EIF2AK2: variants seen among roughly 807,000 people sequenced by gnomAD.
The protein encoded by EIF2AK2 is eukaryotic translation initiation factor 2 alpha kinase 2, also known as interferon-induced, double-stranded RNA-activated protein kinase.
Under a neutral mutation model 70.5 loss-of-function variants are expected in EIF2AK2, and 40 were observed. The ratio of observed to expected loss-of-function variants is 0.57; its 90% confidence interval spans 0.44 to 0.74. EIF2AK2 has a LOEUF of 0.74. Ranked by LOEUF, EIF2AK2 falls within the 30% of genes least tolerant of loss-of-function variation. The probability of loss-of-function intolerance (pLI) is 0.00; values close to 1 mark genes in which losing one functional copy is unlikely to be tolerated. For synonymous variants in EIF2AK2, 198 were observed against 220.9 expected (o/e 0.90, Z 0.92); for missense variants, 555 against 644.3 (o/e 0.86, Z 1.50).
chr2:37,147,291 G>A (rs886333946), intron 3 of EIF2AK2, among the ~76,000 whole-genome samples: 6 of 151,632 alleles, frequency 4.0e-5, no homozygotes, highest in Non-Finnish European at 8.8e-5. Flanking sequence ...ACATTTATAA[G>A]GTCATATCTT....
At chr2:37,143,409 G>A (rs1355024844) in intron 4 of EIF2AK2, among the ~76,000 whole-genome samples, 2 of 152,170 alleles carry the variant, frequency 1.3e-5, no homozygotes, top group East Asian at 1.9e-4. Context: ...CCAGTCACAT[G>A]TATATTGGTT....
At chr2:37,119,776 G>C (rs1674471365) in intron 13 of EIF2AK2, among the ~76,000 whole-genome samples, 183 bp downstream of exon 13, 1 of 151,612 alleles carries the variant, frequency 6.6e-6, no homozygotes, top group Non-Finnish European at 1.5e-5. Context: ...ATTTTTAGTA[G>C]AGACACGGTT....
chr2:37,114,953 T>G, intron 13 of EIF2AK2, 94 bp from the exon 14 acceptor site: 1 of 866,182 alleles, frequency 1.2e-6, no homozygotes, highest in Non-Finnish European at 1.6e-6. Context: ...TTTTATATTA[T>G]TTATAAGACC....
chr2:37,114,010 T>A (rs1409464052), intron 14 of EIF2AK2, among the ~76,000 whole-genome samples: 1 of 152,216 alleles, frequency 6.6e-6, no homozygotes, highest in Non-Finnish European at 1.5e-5. Flanking sequence ...TAAGGAGGAA[T>A]GTCTAAGTGT....
At chr2:37,143,925 G>A (rs910951068) in intron 4 of EIF2AK2, among the ~76,000 whole-genome samples, 3 of 151,978 alleles carry the variant, frequency 2.0e-5, no homozygotes, top group Non-Finnish European at 2.9e-5. Flanking sequence ...TATTTACATA[G>A]CATTTACATT....
chr2:37,137,018 C>A lies in EIF2AK2; in HGVS notation c.688-1G>T. ...TCCTTTGATTATTTCTGAGACCATT[C>A]TATAACAAAAGAAAATGAGAAATAG... On this transcript the variant is annotated splice_acceptor_variant, in intron 8 of 16. Coordinates refer to ENST00000233057, the MANE Select transcript of EIF2AK2 (RefSeq NM_001135651.3). LOFTEE classifies it high-confidence loss of function. 1 of 1,602,166 alleles carries A rather than the reference C, an allele frequency of 6.2e-7. No homozygotes were observed. The highest frequency in any genetic ancestry group is 1.1e-5 in the South Asian group (1 of 88,874).
chr2:37,141,508 G>A (rs773430356), intron 5 of EIF2AK2, 45 bp downstream of exon 5: 15 of 1,595,250 alleles, frequency 9.4e-6, no homozygotes, highest in South Asian at 7.0e-5. Context: ...CAACTTTATT[G>A]CTTAAATACA....
At chr2:37,126,733 G>C (rs770792301) in intron 10 of EIF2AK2, among the ~76,000 whole-genome samples, 15 of 151,978 alleles carry the variant, frequency 9.9e-5, no homozygotes, top group Non-Finnish European at 1.8e-4. Context: ...AAGGCAGGTG[G>C]ATCACCTGAA....
chr2:37,135,943 T>C (rs1675112694), intron 9 of EIF2AK2, among the ~76,000 whole-genome samples: 1 of 152,232 alleles, frequency 6.6e-6, no homozygotes, highest in South Asian at 2.1e-4. Context: ...AACTTTTTTC[T>C]TTATAAAACT....
At chr2:37,123,767 G>A (rs543409970) in intron 11 of EIF2AK2, among the ~76,000 whole-genome samples, 1 of 152,154 alleles carries the variant, frequency 6.6e-6, no homozygotes, top group Non-Finnish European at 1.5e-5. Flanking sequence ...AATGGTGGAA[G>A]GCTTTACAGG....
chr2:37,107,036 T>A lies in EIF2AK2; in HGVS notation c.*237A>T. 3.3e-6 allele frequency: 1 copy of A among 299,278 alleles called. No individual in the cohort carries two copies. The allele number at this position is 299,278 out of a possible 1,614,324, so 18.5% of individuals were successfully genotyped here. A position where few individuals can be genotyped will look rare whatever the true frequency, so the allele number is the denominator to read the frequency against. ...CAGCCTGGGCAACAGAGCGAGACTC[T>A]GTCTTTAAAAAAAAAAAAAGAATAA... On this transcript the variant is annotated 3_prime_UTR_variant, in exon 17 of 17. Coordinates refer to ENST00000233057, the MANE Select transcript of EIF2AK2 (RefSeq NM_001135651.3).
chr2:37,128,680 A>G (rs1462680341), intron 10 of EIF2AK2, among the ~76,000 whole-genome samples: 1 of 152,210 alleles, frequency 6.6e-6, no homozygotes, highest in Non-Finnish European at 1.5e-5. Context: ...ACAGAACAGG[A>G]GCATTACCAT....
intron 1 of EIF2AK2, among the ~76,000 whole-genome samples, chr2:37,155,425 T>C (rs1046011730): frequency 2.6e-5 from 4 of 152,210 alleles, no homozygotes; most frequent in African/African-American, 4.8e-5. Flanking sequence ...CACCTGCTTT[T>C]CTCTACATTT....
At chr2:37,141,400 C>T (rs1674919695) in intron 5 of EIF2AK2, among the ~76,000 whole-genome samples, 153 bp downstream of exon 5, 1 of 152,126 alleles carries the variant, frequency 6.6e-6, no homozygotes, top group South Asian at 2.1e-4. Flanking sequence ...ATTTTAATTA[C>T]AAATTATAAA....
At chr2:37,155,285 TC>T (rs1675884542) in intron 1 of EIF2AK2, among the ~76,000 whole-genome samples, 1 of 152,206 alleles carries the variant, frequency 6.6e-6, no homozygotes. Flanking sequence ...ACAGTGCTCA[TC>T]CCCTTTATTA....
chr2:37,117,476 G>A (rs1573004653), intron 13 of EIF2AK2, among the ~76,000 whole-genome samples: 1 of 152,234 alleles, frequency 6.6e-6, no homozygotes, highest in African/African-American at 2.4e-5. Context: ...GGTCCAGGCT[G>A]CAGTGAGCTG....
Position 37,136,969 on chromosome 2 carries a change from A to G in EIF2AK2, c.722+14T>C, listed in dbSNP as rs144709036. 4 of 1,599,314 alleles carry G rather than the reference A, an allele frequency of 2.5e-6. No homozygotes were observed. Among genetic ancestry groups the G allele is most frequent in the African/African-American group, 2.7e-5 (2 of 74,472 alleles). ...CTTCAGATCAAAATATGTTCAATGC[A>G]TAATGATACTCACCTTTTTGCCTTC... On this transcript the variant is annotated intron_variant, in intron 9 of 16. Transcript: ENST00000233057.
At chr2:37,116,321 GC>G (rs1444526425) in intron 13 of EIF2AK2, among the ~76,000 whole-genome samples, 2 of 152,134 alleles carry the variant, frequency 1.3e-5, no homozygotes, top group Non-Finnish European at 2.9e-5. Context: ...CTCAGCTCAA[GC>G]GATCCTCCCA....
Position 37,147,785 on chromosome 2 carries a change from C to G in EIF2AK2, c.22G>C (p.Gly8Arg). The stretch of plus-strand genomic sequence containing the variant: ...GTATTAAGTTCCTCCATGAAGAAAC[C>G]TGCTGAAAGATCACCAGCCATTTCT... Reference protein sequence around the residue: MAGDLSAGFFMEELNTYR... With the variant: MAGDLSARFFMEELNTYR... The change falls in exon 3 of 17, where the codon GGT (glycine) becomes CGT (arginine). Residue 8 changes from glycine (G) to arginine (R), a missense_variant. Gly to Arg is a moderately radical substitution (Grantham distance 125). This residue lies in a region of EIF2AK2 where 48 missense variants were observed against 77.1 expected (regional missense o/e 0.62). Coordinates refer to ENST00000233057, the MANE Select transcript of EIF2AK2 (RefSeq NM_001135651.3). 6.2e-7 allele frequency: 1 copy of G among 1,613,120 alleles called. No individual in the cohort carries two copies. Among genetic ancestry groups the G allele is most frequent in the Non-Finnish European group, 8.5e-7 (1 of 1,179,434 alleles).
Sources: gnomAD v4.1 joint callset for allele counts (sites outside exome capture counted in the v4.1 genomes callset) on GRCh38, gnomAD v4.1.1 for gene constraint, gnomAD v4.1.1 regional missense constraint, MANE v1.5 for transcripts, NCBI Gene and HGNC (gene_info 2026-07-23, HGNC 2026-07-21) for gene names.